The following KIR2DL4 variants were observed in gnomAD, a reference collection of about 807,000 sequenced individuals.
The protein encoded by KIR2DL4 is killer cell immunoglobulin-like receptor 2DL4.
Under a neutral mutation model 31.0 loss-of-function variants are expected in KIR2DL4, and 41 were observed. The ratio of observed to expected loss-of-function variants is 1.32; its 90% confidence interval spans 1.03 to 1.72. KIR2DL4 has a LOEUF of 1.72. KIR2DL4 is among the 40% of genes most tolerant of loss of function. The pLI is 0.00. For missense variants in KIR2DL4, 438 were observed against 353.7 expected (o/e 1.24, Z -1.91); for synonymous variants, 164 against 133.6 (o/e 1.23, Z -1.57).
intron 2 of KIR2DL4, 44 bp downstream of exon 2, chr19:54,803,970 AC>A (rs1268088286): frequency 6.4e-7 from 1 of 1,571,942 alleles, no homozygotes; most frequent in African/African-American, 1.4e-5. Context: ...TCACCCCAAT[AC>A]AAGTGAATTT....
At chr19:54,808,062 G>T (rs1466136615) in intron 4 of KIR2DL4, among the ~76,000 whole-genome samples, 1 of 150,862 alleles carries the variant, frequency 6.6e-6, no homozygotes, top group Non-Finnish European at 1.5e-5. Flanking sequence ...TTTTATTGAG[G>T]TGTTTGAGCT....
chr19:54,812,241 G>C (rs1244240398), intron 5 of KIR2DL4, among the ~76,000 whole-genome samples: 1 of 151,180 alleles, frequency 6.6e-6, no homozygotes, highest in African/African-American at 2.4e-5. Context: ...GATAAGCAGC[G>C]AGTGACAACA....
exon 4 of KIR2DL4, chr19:54,806,090 G>A: frequency 6.2e-7 from 1 of 1,612,052 alleles, no homozygotes; most frequent in Admixed American, 1.7e-5. Flanking sequence ...ATGAACTTAG[G>A]CTCCCTGCAG....
chr19:54,813,643 C>A (rs1180518059), intron 6 of KIR2DL4, 47 bp from the exon 6 acceptor site: 12 of 1,591,636 alleles, frequency 7.5e-6, no homozygotes, highest in Non-Finnish European at 1.0e-5. Context: ...GAAATGAGGA[C>A]CCAGAAGTGC....
intron 4 of KIR2DL4, 54 bp from the exon 5 acceptor site, chr19:54,808,779 G>C: frequency 7.9e-7 from 1 of 1,271,398 alleles, no homozygotes; most frequent in Non-Finnish European, 1.1e-6. Flanking sequence ...GATTTCCATT[G>C]AGTAGAAGAC....
intron 5 of KIR2DL4, chr19:54,813,036 G>T (rs1227870433): frequency 3.9e-6 from 4 of 1,015,232 alleles, no homozygotes; most frequent in Non-Finnish European, 4.3e-6. Context: ...GGTGTTTTAT[G>T]TGGTTGCCTG....
intron 5 of KIR2DL4, chr19:54,813,006 G>A (rs1338170456): frequency 3.8e-5 from 26 of 682,622 alleles, no homozygotes; most frequent in African/African-American, 6.5e-5. Context: ...CTCCCGCCTC[G>A]TGGGTGCTTG....
intron 5 of KIR2DL4, among the ~76,000 whole-genome samples, chr19:54,809,984 A>G (rs1356375895): frequency 6.7e-6 from 1 of 149,776 alleles, no homozygotes; most frequent in African/African-American, 2.5e-5. Flanking sequence ...CACAAATGGT[A>G]AACAAGGTGC....
intron 7 of KIR2DL4, 46 bp from the exon 7 acceptor site, chr19:54,813,796 G>GA (rs1159105777): frequency 6.2e-7 from 1 of 1,611,602 alleles, no homozygotes; most frequent in African/African-American, 1.4e-5. Flanking sequence ...AAATAGTCCT[G>GA]AAAAATGTGA....
At position 54,813,860 on chromosome 19, in the gene KIR2DL4, C is replaced by A. The variant is rs1353445001; in HGVS notation, c.*60C>A. The A allele has an allele frequency of 3.1e-6, 5 of 1,612,224 alleles. 1 individual carries two copies. In the Admixed American group the frequency reaches 8.3e-5, roughly 27 times the overall value. The stretch of plus-strand genomic sequence containing the variant: ...TCTCCAGGACTCTGATGAACAAGAC[C>A]CTCAGGAGGTGACATACGCACAGTT... On this transcript the variant is annotated 3_prime_UTR_variant, in exon 8 of 8. Coordinates refer to ENST00000359085, the Ensembl canonical transcript of KIR2DL4.
At position 54,803,792 on chromosome 19, in the gene KIR2DL4, G is replaced by A. The variant is rs1339811420; in HGVS notation, c.41-99G>A. On this transcript the variant is annotated intron_variant, in intron 1 of 7. Coordinates refer to ENST00000359085, the Ensembl canonical transcript of KIR2DL4. The stretch of plus-strand genomic sequence containing the variant: ...ATGTTCTGAAGCAAGTGAGTGGTGA[G>A]GATGAGTTAATTTTCAGTCCAGCGT... 1.2e-5 allele frequency: 19 copies of A among 1,565,570 alleles called. 1 individual carries two copies. Among genetic ancestry groups the A allele is most frequent in the Admixed American group, 5.0e-5 (3 of 59,746 alleles).
chr19:54,814,298 A>G lies in KIR2DL4; in HGVS notation c.*498A>G, dbSNP rs1252590703. 8.0e-4 allele frequency: 513 copies of G among 638,824 alleles called. 16 individuals are homozygous for G. Among genetic ancestry groups the G allele is most frequent in the South Asian group, 3.9e-3 (202 of 51,520 alleles). 39.6% of individuals were successfully genotyped at this position (638,824 alleles called of 1,614,324 possible). A position where few individuals can be genotyped will look rare whatever the true frequency, so the allele number is the denominator to read the frequency against. On this transcript the variant is annotated 3_prime_UTR_variant, in exon 8 of 8. Coordinates refer to ENST00000359085, the Ensembl canonical transcript of KIR2DL4. ...CTCCAACCTAACTGGCTTACTTCCTAGTCTACTTGAGGCTGCAATCACACT... is the reference window on the plus strand; with the variant it reads ...CTCCAACCTAACTGGCTTACTTCCTGGTCTACTTGAGGCTGCAATCACACT...
At chr19:54,806,045 T>C in exon 4 of KIR2DL4, 1 of 1,611,678 alleles carries the variant, frequency 6.2e-7, no homozygotes, top group East Asian at 2.2e-5. Context: ...AGAGCTCCTT[T>C]GACATCTACC....
intron 4 of KIR2DL4, 56 bp downstream of exon 4, chr19:54,806,300 A>G: frequency 6.6e-7 from 1 of 1,521,750 alleles, no homozygotes. Context: ...TTAGCTGAGG[A>G]GCTTCCTGCT....
intron 4 of KIR2DL4, among the ~76,000 whole-genome samples, chr19:54,807,475 T>G (rs1285410426): frequency 6.6e-6 from 1 of 151,322 alleles, no homozygotes; most frequent in Non-Finnish European, 1.5e-5. Flanking sequence ...TTCACTCTTG[T>G]TGCCCAAGCT....
Position 54,813,838 on chromosome 19 carries a change from C to A in KIR2DL4, c.*42-4C>A. Reference sequence around the variant, plus strand: ...TCCCTCACTCAGGATTTCCCTCTCTCCAGGACTCTGATGAACAAGACCCTC... The same window carrying A: ...TCCCTCACTCAGGATTTCCCTCTCTACAGGACTCTGATGAACAAGACCCTC... On this transcript the variant is annotated splice_polypyrimidine_tract_variant and splice_region_variant and intron_variant, in intron 7 of 7. Coordinates refer to ENST00000359085, the Ensembl canonical transcript of KIR2DL4. 1.2e-6 allele frequency: 2 copies of A among 1,612,372 alleles called. No individual in the cohort carries two copies. Among genetic ancestry groups the A allele is most frequent in the South Asian group, 2.2e-5 (2 of 90,636 alleles).
At chr19:54,813,984 C>A in exon 8 of KIR2DL4, 1 of 1,612,490 alleles carries the variant, frequency 6.2e-7, no homozygotes, top group Non-Finnish European at 8.5e-7. Flanking sequence ...CTTCCAAATG[C>A]TGAGCCCAGA....
chr19:54,807,417 T>C (rs1363883103), intron 4 of KIR2DL4, among the ~76,000 whole-genome samples: 2 of 151,466 alleles, frequency 1.3e-5, no homozygotes, highest in Non-Finnish European at 2.9e-5. Context: ...CTCTGGATGT[T>C]CTCTTTTTAG....
chr19:54,811,174 G>A (rs909247195), intron 5 of KIR2DL4, among the ~76,000 whole-genome samples: 1 of 151,116 alleles, frequency 6.6e-6, no homozygotes, highest in Non-Finnish European at 1.5e-5. Context: ...GAGGAGGCTG[G>A]ATCAAGTGAG....
Sources: allele counts gnomAD v4.1 joint callset (sites outside exome capture counted in the v4.1 genomes callset), GRCh38; gene constraint gnomAD v4.1.1; transcripts MANE v1.5; gene names NCBI Gene and HGNC (gene_info 2026-07-23, HGNC 2026-07-21).